NDOR1: variants seen among roughly 807,000 people sequenced by gnomAD.
NDOR1 encodes NADPH-dependent diflavin oxidoreductase 1.
Under a neutral mutation model 67.2 loss-of-function variants are expected in NDOR1, and 61 were observed. The observed-to-expected ratio is 0.91, with a 90% CI of 0.74 to 1.12. The LOEUF is 1.12. Ranked by LOEUF, NDOR1 falls within the 50% of genes most tolerant of loss-of-function variation. The pLI is 0.00. For synonymous variants in NDOR1, 378 were observed against 343.7 expected (o/e 1.10, Z -1.10); for missense variants, 878 against 802.8 (o/e 1.09, Z -1.13).
At chr9:137,215,064 C>G in intron 8 of NDOR1, 31 bp from the exon 9 acceptor site, 1 of 1,613,264 alleles carries the variant, frequency 6.2e-7, no homozygotes. Context: ...TACAGCCACG[C>G]TGCAGCCACC....
At position 137,218,419 on chromosome 9, in the gene NDOR1, C is replaced by T. The variant is rs1186825037; in HGVS notation, c.*2003C>T. ...CCGTGGGCGGCCGGGGCTGCCTGCC[C>T]TTCCTGCCCTGTCCACCCTGCCTGG... On this transcript the variant is annotated 3_prime_UTR_variant, in exon 14 of 14. Coordinates refer to ENST00000684003, the MANE Select transcript of NDOR1 (RefSeq NM_014434.4). The T allele has an allele frequency of 2.3e-5, 9 of 398,522 alleles. No homozygotes were observed. The highest frequency in any genetic ancestry group is 7.1e-5 in the East Asian group (2 of 28,080). 24.7% of individuals were successfully genotyped at this position (398,522 alleles called of 1,614,324 possible). A position where few individuals can be genotyped will look rare whatever the true frequency, so the allele number is the denominator to read the frequency against.
chr9:137,208,025 T>G (rs1382010100), intron 2 of NDOR1, among the ~76,000 whole-genome samples: 1 of 150,904 alleles, frequency 6.6e-6, no homozygotes, highest in Non-Finnish European at 1.5e-5. Context: ...TGCGTGCCTG[T>G]AATCCCAGCT....
intron 2 of NDOR1, among the ~76,000 whole-genome samples, chr9:137,207,539 CCTCT>C (rs1197468671): frequency 6.6e-6 from 1 of 152,098 alleles, no homozygotes; most frequent in Non-Finnish European, 1.5e-5. Flanking sequence ...AGAGGAAGCT[CCTCT>C]CTCCCCACAG....
In NDOR1 at chr9:137,218,879, C is replaced by T. The variant is rs1315202441; in HGVS notation, c.*2463C>T. 2.1e-5 allele frequency: 8 copies of T among 373,064 alleles called. No individual in the cohort carries two copies. In the Admixed American group the frequency reaches 2.7e-4, roughly 13 times the overall value. The allele number at this position is 373,064 out of a possible 1,614,324, so 23.1% of individuals were successfully genotyped here. A position where few individuals can be genotyped will look rare whatever the true frequency, so the allele number is the denominator to read the frequency against. On this transcript the variant is annotated 3_prime_UTR_variant, in exon 14 of 14. Coordinates refer to ENST00000684003, the MANE Select transcript of NDOR1 (RefSeq NM_014434.4). Reference sequence around the variant, plus strand: ...GGACAGCTCCTGGAGGAGGCCAGCCCAGCAGGAAAGTCTGTGAGCAGGACC... The same window carrying T: ...GGACAGCTCCTGGAGGAGGCCAGCCTAGCAGGAAAGTCTGTGAGCAGGACC...
Position 137,209,419 on chromosome 9 carries a change from G to A in NDOR1, c.214-3083G>A, listed in dbSNP as rs1017025646. ...AGGAGAGGGACTGAGGCTGGGCTGG[G>A]CATTCAGTCAGCCAGTGGCAGGAAG... On this transcript the variant is annotated intron_variant, in intron 2 of 13. Transcript: ENST00000684003. Among the ~76,000 whole-genome samples, 3 of 152,332 alleles carry A rather than the reference G, an allele frequency of 2.0e-5. No homozygotes were observed. The East Asian group carries it at 5.8e-4, about 29-fold the overall frequency.
At position 137,216,617 on chromosome 9, in the gene NDOR1, G is replaced by A. The variant is rs1835620767; in HGVS notation, c.*201G>A. The A allele has an allele frequency of 7.6e-6, 5 of 655,938 alleles. No individual in the cohort carries two copies. Among genetic ancestry groups the A allele is most frequent in the African/African-American group, 3.6e-5 (2 of 54,848 alleles). 40.6% of individuals were successfully genotyped at this position (655,938 alleles called of 1,614,324 possible). On this transcript the variant is annotated 3_prime_UTR_variant, in exon 14 of 14. Transcript: ENST00000684003. Reference sequence around the variant, plus strand: ...TGAGCCTGACCCCACTGCAGCCTCTGCCCAGCCAGCCCTGCGCTCCCCCAC... The same window carrying A: ...TGAGCCTGACCCCACTGCAGCCTCTACCCAGCCAGCCCTGCGCTCCCCCAC...
In NDOR1 at chr9:137,218,398, G is replaced by A. The variant is rs1399504578; in HGVS notation, c.*1982G>A. 2.5e-6 allele frequency: 1 copy of A among 398,480 alleles called. No individual in the cohort carries two copies. The highest frequency in any genetic ancestry group is 4.4e-6 in the Non-Finnish European group (1 of 226,148). The allele number at this position is 398,480 out of a possible 1,614,324, so 24.7% of individuals were successfully genotyped here. ...AGCTGCGCTTCCTGGCAGGGCCCGT[G>A]GGCGGCCGGGGCTGCCTGCCCTTCC... On this transcript the variant is annotated 3_prime_UTR_variant, in exon 14 of 14. Coordinates refer to ENST00000684003, the MANE Select transcript of NDOR1 (RefSeq NM_014434.4).
At position 137,218,477 on chromosome 9, in the gene NDOR1, C is replaced by G; in HGVS notation, c.*2061C>G. ...GCTCTGGACCCTGCGGGAGCGGGGA[C>G]CCTGTGCCCGCCGCCTGGCGCTGCT... On this transcript the variant is annotated 3_prime_UTR_variant, in exon 14 of 14. Transcript: ENST00000684003. 1 of 397,588 alleles carries G rather than the reference C, an allele frequency of 2.5e-6. No individual in the cohort carries two copies. The allele number at this position is 397,588 out of a possible 1,614,324, so 24.6% of individuals were successfully genotyped here.
chr9:137,214,699 C>G lies in NDOR1; in HGVS notation c.844+8C>G, dbSNP rs757031024. On this transcript the variant is annotated splice_region_variant and intron_variant, in intron 7 of 13. Coordinates refer to ENST00000684003, the MANE Select transcript of NDOR1 (RefSeq NM_014434.4). Reference sequence around the variant, plus strand: ...TGCAGCCGCGGGAGCCAGGTGAGCCCAGCCTCGGCCACCCTGACTCTCTGC... The same window carrying G: ...TGCAGCCGCGGGAGCCAGGTGAGCCGAGCCTCGGCCACCCTGACTCTCTGC... 2 of 1,601,334 alleles carry G rather than the reference C, an allele frequency of 1.2e-6. No homozygotes were observed. Among genetic ancestry groups the G allele is most frequent in the Middle Eastern group, 1.7e-4 (1 of 5,972 alleles).
At chr9:137,214,156 C>T (rs371858793) in intron 5 of NDOR1, 48 bp from the exon 6 acceptor site, 399 of 1,555,990 alleles carry the variant, frequency 2.6e-4, no homozygotes, top group Non-Finnish European at 3.0e-4. Context: ...TGTGGGTGGG[C>T]GGCCCCTGGG....
intron 2 of NDOR1, among the ~76,000 whole-genome samples, chr9:137,208,687 A>G (rs907517124): frequency 4.5e-4 from 69 of 151,906 alleles, no homozygotes; most frequent in African/African-American, 1.6e-3. Flanking sequence ...GAACTGGTGC[A>G]GTGGCTCATG....
intron 3 of NDOR1, 45 bp from the exon 4 acceptor site, chr9:137,213,735 C>G (rs1450617636): frequency 1.9e-6 from 3 of 1,585,986 alleles, no homozygotes; most frequent in African/African-American, 1.4e-5. Flanking sequence ...GGGCACCACT[C>G]TCCGCCCGGG....
At position 137,217,946 on chromosome 9, in the gene NDOR1, C is replaced by A; in HGVS notation, c.*1530C>A. 1 of 398,658 alleles carries A rather than the reference C, an allele frequency of 2.5e-6. No homozygotes were observed. Among genetic ancestry groups the A allele is most frequent in the East Asian group, 3.6e-5 (1 of 28,068 alleles). The allele number at this position is 398,658 out of a possible 1,614,324, so 24.7% of individuals were successfully genotyped here. On this transcript the variant is annotated 3_prime_UTR_variant, in exon 14 of 14. Coordinates refer to ENST00000684003, the MANE Select transcript of NDOR1 (RefSeq NM_014434.4). ...AAGCAAAGGGGATGACCTTGGGCACCCCCAAGGTGCTGAGACTACAGCCAG... is the reference window on the plus strand; with the variant it reads ...AAGCAAAGGGGATGACCTTGGGCACACCCAAGGTGCTGAGACTACAGCCAG...
At chr9:137,211,167 A>G (rs769968231) in intron 2 of NDOR1, among the ~76,000 whole-genome samples, 1 of 152,228 alleles carries the variant, frequency 6.6e-6, no homozygotes, top group Non-Finnish European at 1.5e-5. Context: ...TCCTTCTAGA[A>G]AGTATGACAA....
chr9:137,214,144 C>A, intron 5 of NDOR1, 60 bp from the exon 6 acceptor site: 1 of 1,544,538 alleles, frequency 6.5e-7, no homozygotes, highest in East Asian at 2.4e-5. Context: ...GGGTCCCTCC[C>A]GTGTGGGTGG....
At chr9:137,211,410 C>T (rs1479725514) in intron 2 of NDOR1, among the ~76,000 whole-genome samples, 16 of 149,494 alleles carry the variant, frequency 1.1e-4, no homozygotes, top group Admixed American at 1.1e-3. Context: ...GTGCCCTACA[C>T]ACCCCAAGGG....
At chr9:137,209,082 C>T (rs986057590) in intron 2 of NDOR1, among the ~76,000 whole-genome samples, 13 of 152,046 alleles carry the variant, frequency 8.6e-5, no homozygotes, top group African/African-American at 3.1e-4. Flanking sequence ...CGGGTTTCAC[C>T]GTGTTAGCCA....
At position 137,214,487 on chromosome 9, in the gene NDOR1, G is replaced by A. The variant is rs547006074; in HGVS notation, c.722+74G>A. 9.4e-5 allele frequency: 151 copies of A among 1,609,724 alleles called. 1 individual carries two copies. In the East Asian group the frequency reaches 2.1e-3, roughly 22 times the overall value. ...TCTGGGGTTCGGAGGAGGCTGGGCC[G>A]GGCTGCAGGGGATGACTTCTATCCG... On this transcript the variant is annotated intron_variant, in intron 6 of 13. Coordinates refer to ENST00000684003, the MANE Select transcript of NDOR1 (RefSeq NM_014434.4).
Position 137,215,964 on chromosome 9 carries a change from G to A in NDOR1, c.1501G>A (p.Glu501Lys). ...CTTCTACTGGGAGGCTGAGTGGCAG[G>A]AGCTGGAGAAGCGGGACTGTCTGAC... ...QDFYWEAEWQ[E>K]LEKRDCLTLI... Residue 501 changes from glutamate (E) to lysine (K), a missense_variant, in exon 12 of 14, where the codon GAG (glutamate) becomes AAG (lysine). Transcript: ENST00000684003. The A allele has an allele frequency of 6.2e-7, 1 of 1,613,488 alleles. No homozygotes were observed. The highest frequency in any genetic ancestry group is 8.5e-7 in the Non-Finnish European group (1 of 1,179,992).
Sources: gnomAD v4.1 joint callset for allele counts (sites outside exome capture counted in the v4.1 genomes callset) on GRCh38, gnomAD v4.1.1 for gene constraint, MANE v1.5 for transcripts, NCBI Gene and HGNC (gene_info 2026-07-23, HGNC 2026-07-21) for gene names.